Variants in NEGR1 observed in about 807,000 individuals in gnomAD.
The protein encoded by NEGR1 is neuronal growth regulator 1.
In NEGR1, 10 loss-of-function variants were observed where a neutral mutation model predicts 40.9. That is an observed-to-expected ratio of 0.24 (90% CI 0.15 to 0.42). The LOEUF (loss-of-function observed/expected upper bound fraction) is 0.42. NEGR1 is among the 10% of genes least tolerant of loss of function. NEGR1 has a pLI of 1.00. For missense variants in NEGR1, 352 were observed against 438.9 expected (o/e 0.80, Z 1.77); for synonymous variants, 185 against 166.8 (o/e 1.11, Z -0.84).
intron 1 of NEGR1, among the ~76,000 whole-genome samples, chr1:72,170,157 G>A (rs1042540290): frequency 1.3e-5 from 2 of 152,058 alleles, no homozygotes; most frequent in Non-Finnish European, 2.9e-5. Flanking sequence ...CCTCCACAGC[G>A]CTCAGGGCTC....
chr1:71,504,323 C>T (rs942967075), intron 6 of NEGR1, among the ~76,000 whole-genome samples: 2 of 151,526 alleles, frequency 1.3e-5, no homozygotes, highest in Non-Finnish European at 2.9e-5. Context: ...AAAGCAGAAA[C>T]AAAAAGCAAA....
At chr1:71,785,999 C>A (rs915965297) in intron 2 of NEGR1, among the ~76,000 whole-genome samples, 3 of 152,102 alleles carry the variant, frequency 2.0e-5, no homozygotes, top group Admixed American at 2.0e-4. Context: ...ATTTTAGCAC[C>A]ATTTGAAAAA....
chr1:72,230,068 C>G (rs1190105018), intron 1 of NEGR1, among the ~76,000 whole-genome samples: 1 of 152,042 alleles, frequency 6.6e-6, no homozygotes, highest in African/African-American at 2.4e-5. Context: ...GGATACTTTG[C>G]AGATTCTACT....
intron 1 of NEGR1, among the ~76,000 whole-genome samples, chr1:72,174,737 G>C (rs190302811): frequency 5.9e-5 from 9 of 151,924 alleles, no homozygotes; most frequent in African/African-American, 2.2e-4. Flanking sequence ...AAAAGAGCAG[G>C]AAGTTATTTC....
chr1:72,201,574 C>T (rs1349001628), intron 1 of NEGR1, among the ~76,000 whole-genome samples: 12 of 151,710 alleles, frequency 7.9e-5, no homozygotes. Context: ...CAGACACATG[C>T]AAGGACAACT....
At chr1:71,476,930 A>G (rs1646825233) in intron 6 of NEGR1, 1 of 152,054 alleles carries the variant, frequency 6.6e-6, no homozygotes, top group Non-Finnish European at 1.5e-5. Context: ...AATTGCCAAA[A>G]CTGAAGATGG....
rs1326461721 is a variant in NEGR1 at position 71,427,675 on chromosome 1, T to A, written c.941-20105A>T. Among the ~76,000 whole-genome samples the A allele has an allele frequency of 3.3e-5, 5 of 152,070 alleles. No individual in the cohort carries two copies. In the East Asian group the frequency reaches 9.6e-4, roughly 29 times the overall value. On this transcript the variant is annotated intron_variant, in intron 6 of 6. Coordinates refer to ENST00000357731, the MANE Select transcript of NEGR1 (RefSeq NM_173808.3). ...GTTCTAGTTCCTGGCCTATAGTAAG[T>A]AGTTAAATATTTGTTAAGTGAGAAT...
intron 1 of NEGR1, among the ~76,000 whole-genome samples, chr1:72,163,729 A>G (rs1019020255): frequency 1.7e-5 from 1 of 60,342 alleles, no homozygotes; most frequent in Non-Finnish European, 3.2e-5. Flanking sequence ...ACAGATATCT[A>G]ATAGATAGAT....
chr1:72,036,044 G>A (rs996071317), intron 1 of NEGR1, among the ~76,000 whole-genome samples: 2 of 152,184 alleles, frequency 1.3e-5, no homozygotes, highest in East Asian at 3.9e-4. Flanking sequence ...GTACAGGCAC[G>A]TGATTCAAAA....
At chr1:71,546,702 T>A (rs1385652858) in intron 6 of NEGR1, among the ~76,000 whole-genome samples, 1 of 151,670 alleles carries the variant, frequency 6.6e-6, no homozygotes, top group South Asian at 2.1e-4. Context: ...GTAAGTGCCA[T>A]AGCCAGAGTT....
At chr1:71,887,278 G>A (rs1051641257) in intron 2 of NEGR1, among the ~76,000 whole-genome samples, 4 of 152,140 alleles carry the variant, frequency 2.6e-5, no homozygotes, top group African/African-American at 7.2e-5. Context: ...CTGTCTTAGC[G>A]GTGGCACAGG....
chr1:71,571,408 T>C (rs565737154), intron 6 of NEGR1, among the ~76,000 whole-genome samples: 12 of 152,320 alleles, frequency 7.9e-5, no homozygotes, highest in East Asian at 3.9e-4. Context: ...TTCTATATGA[T>C]TGACCAAATT....
At chr1:72,178,967 G>A (rs1417208412) in intron 1 of NEGR1, among the ~76,000 whole-genome samples, 1 of 151,834 alleles carries the variant, frequency 6.6e-6, no homozygotes, top group African/African-American at 2.4e-5. Flanking sequence ...CAGATGCATA[G>A]TTTGTAAATA....
chr1:72,096,701 G>T (rs1418707563), intron 1 of NEGR1, among the ~76,000 whole-genome samples: 1 of 151,214 alleles, frequency 6.6e-6, no homozygotes, highest in Non-Finnish European at 1.5e-5. Flanking sequence ...TCACACTGTC[G>T]TCCAGGCTGG....
At chr1:71,908,444 A>T (rs1661337166) in intron 2 of NEGR1, among the ~76,000 whole-genome samples, 1 of 152,156 alleles carries the variant, frequency 6.6e-6, no homozygotes. Flanking sequence ...GAAGAGTAGG[A>T]AAGGCAGGGA....
chr1:71,759,721 T>C (rs1655875018), intron 3 of NEGR1, among the ~76,000 whole-genome samples: 1 of 147,886 alleles, frequency 6.8e-6, no homozygotes. Context: ...GCGATCCTTC[T>C]GCCTCGGCCT....
intron 3 of NEGR1, among the ~76,000 whole-genome samples, chr1:71,731,621 A>C (rs1654871057): frequency 6.6e-6 from 1 of 152,214 alleles, no homozygotes; most frequent in Non-Finnish European, 1.5e-5. Context: ...TTCCTTTAAA[A>C]AGCACACATC....
At chr1:72,130,142 A>G (rs952333150) in intron 1 of NEGR1, among the ~76,000 whole-genome samples, 2 of 152,142 alleles carry the variant, frequency 1.3e-5, no homozygotes, top group Admixed American at 6.5e-5. Context: ...TGGTCCTCCA[A>G]TTACTTACGC....
intron 4 of NEGR1, among the ~76,000 whole-genome samples, chr1:71,679,379 G>A (rs1263124600): frequency 1.3e-5 from 2 of 152,014 alleles, no homozygotes; most frequent in Non-Finnish European, 2.9e-5. Flanking sequence ...CAAAAATATA[G>A]TATACTTTTC....
Sources: gnomAD v4.1 joint callset for allele counts (sites outside exome capture counted in the v4.1 genomes callset) on GRCh38, gnomAD v4.1.1 for gene constraint, MANE v1.5 for transcripts, NCBI Gene and HGNC (gene_info 2026-07-23, HGNC 2026-07-21) for gene names.